The following SDCBP variants were observed in gnomAD, a reference collection of about 807,000 sequenced individuals.
The protein encoded by SDCBP is syntenin-1.
In SDCBP, 22 loss-of-function variants were observed where a neutral mutation model predicts 30.5. That is an observed-to-expected ratio of 0.72 (90% confidence interval 0.52 to 1.03). The LOEUF (loss-of-function observed/expected upper bound fraction) is 1.03, where lower values mean the gene tolerates loss of function less well. Among genes scored for constraint, SDCBP ranks in the 50% least tolerant of loss-of-function variants. The pLI, the probability that SDCBP is intolerant of heterozygous loss-of-function variation, is 0.00. For synonymous variants in SDCBP, 103 were observed against 118.7 expected (o/e 0.87, Z 0.86); for missense variants, 304 against 369.9 (o/e 0.82, Z 1.46).
rs550151303 is a variant in SDCBP at position 58,575,753 on chromosome 8, T to C, written c.241-147T>C. 4.1e-5 allele frequency: 26 copies of C among 635,030 alleles called. No homozygotes were observed. In the African/African-American group the frequency reaches 4.6e-4, roughly 11 times the overall value. 39.3% of individuals were successfully genotyped at this position (635,030 alleles called of 1,614,324 possible). A position where few individuals can be genotyped will look rare whatever the true frequency, so the allele number is the denominator to read the frequency against. On this transcript the variant is annotated intron_variant, in intron 4 of 8. Coordinates refer to ENST00000260130, the MANE Select transcript of SDCBP (RefSeq NM_005625.4). Reference sequence around the variant, plus strand: ...GAATTAGTAGTAGAGCCAGTGCCATTTTCATAGACATCAAACTTTATCGGA... The same window carrying C: ...GAATTAGTAGTAGAGCCAGTGCCATCTTCATAGACATCAAACTTTATCGGA...
chr8:58,562,529 A>G (rs1804494155), intron 1 of SDCBP, among the ~76,000 whole-genome samples: 1 of 145,962 alleles, frequency 6.9e-6, no homozygotes, highest in Admixed American at 6.7e-5. Flanking sequence ...GAGATTGCAG[A>G]AATAAGTGCA....
rs370304438 is a variant in SDCBP at position 58,565,474 on chromosome 8, T to C, written c.51+390T>C. Among the ~76,000 whole-genome samples, 115 of 152,246 alleles carry C rather than the reference T, an allele frequency of 7.6e-4. 9 individuals carry two copies. In the South Asian group the frequency reaches 0.022, roughly 29 times the overall value. The stretch of plus-strand genomic sequence containing the variant: ...ACTCTTTAATTCTATGTCTCTTAAC[T>C]GAAGTTAAAATTACAGAAATAGTGG... On this transcript the variant is annotated intron_variant, in intron 2 of 8. Coordinates refer to ENST00000260130, the MANE Select transcript of SDCBP (RefSeq NM_005625.4).
chr8:58,557,492 G>GCA (rs1422173935), intron 1 of SDCBP, among the ~76,000 whole-genome samples: 1 of 133,182 alleles, frequency 7.5e-6, no homozygotes, highest in Non-Finnish European at 1.5e-5. Flanking sequence ...TAATACATAT[G>GCA]CACACACACA....
At chr8:58,569,716 C>T (rs1804914061) in intron 2 of SDCBP, among the ~76,000 whole-genome samples, 1 of 151,998 alleles carries the variant, frequency 6.6e-6, no homozygotes, top group African/African-American at 2.4e-5. Flanking sequence ...TAACAAGCCA[C>T]TAGCTCCTTT....
chr8:58,579,898 T>C, intron 7 of SDCBP, 104 bp downstream of exon 7: 1 of 1,040,686 alleles, frequency 9.6e-7, no homozygotes, highest in Non-Finnish European at 1.4e-6. Flanking sequence ...AGGTGGGAGA[T>C]GGGGAACGTG....
intron 6 of SDCBP, chr8:58,578,415 G>A (rs1372512331): frequency 4.9e-6 from 2 of 404,948 alleles, no homozygotes; most frequent in African/African-American, 2.1e-5. Context: ...AGAGTTTATA[G>A]GACAAATCTC....
intron 8 of SDCBP, among the ~76,000 whole-genome samples, chr8:58,581,441 A>G (rs1805676198): frequency 6.6e-6 from 1 of 152,144 alleles, no homozygotes; most frequent in Admixed American, 6.5e-5. Context: ...TGTTTAATGC[A>G]CAGGAATTCA....
chr8:58,579,870 CT>C, intron 7 of SDCBP, 76 bp downstream of exon 7: 2 of 1,380,420 alleles, frequency 1.4e-6, no homozygotes, highest in Non-Finnish European at 1.9e-6. Flanking sequence ...TTAGGTGGCG[CT>C]GTTTTCATAT....
At chr8:58,557,038 TA>T (rs1285735885) in intron 1 of SDCBP, among the ~76,000 whole-genome samples, 2 of 132,820 alleles carry the variant, frequency 1.5e-5, no homozygotes, top group African/African-American at 5.8e-5. Flanking sequence ...TATAAGTATA[TA>T]AGATATACTT....
chr8:58,573,060 G>A (rs776405128), intron 4 of SDCBP, among the ~76,000 whole-genome samples: 6 of 151,878 alleles, frequency 4.0e-5, no homozygotes, highest in Non-Finnish European at 7.4e-5. Context: ...CACCTGCCTC[G>A]ACCTCCCAGA....
At chr8:58,574,441 A>C (rs2129608139) in intron 4 of SDCBP, among the ~76,000 whole-genome samples, 1 of 152,344 alleles carries the variant, frequency 6.6e-6, no homozygotes, top group Middle Eastern at 3.4e-3. Context: ...GGCTGTAGTT[A>C]AAATTTAGAA....
In SDCBP at chr8:58,576,917, C is replaced by T. The variant is rs115969418; in HGVS notation, c.402+856C>T. ...GGCAGGAGGCCCCCGCCCTGCCTGC[C>T]CACCCAGGGGGCTGAGGCCATCGAT... On this transcript the variant is annotated intron_variant, in intron 5 of 8. Transcript: ENST00000260130. Among the ~76,000 whole-genome samples, 623 of 152,308 alleles carry T rather than the reference C, an allele frequency of 4.1e-3. 4 individuals are homozygous for T. The highest frequency in any genetic ancestry group is 0.014 in the African/African-American group (593 of 41,552).
chr8:58,574,614 T>C (rs1315711956), intron 4 of SDCBP, among the ~76,000 whole-genome samples: 3 of 152,200 alleles, frequency 2.0e-5, no homozygotes, highest in Non-Finnish European at 4.4e-5. Flanking sequence ...GAGATTTCTG[T>C]TATCTCTTCA....
intron 5 of SDCBP, 140 bp from the exon 6 acceptor site, chr8:58,577,893 G>C: frequency 1.5e-6 from 1 of 650,670 alleles, no homozygotes; most frequent in South Asian, 2.1e-5. Context: ...TACTCATATA[G>C]TTTTTCCTTT....
intron 1 of SDCBP, among the ~76,000 whole-genome samples, chr8:58,564,415 A>G (rs190317370): frequency 2.4e-4 from 36 of 152,364 alleles, no homozygotes; most frequent in Admixed American, 2.1e-3. Context: ...ACATACTTCT[A>G]CTTAATACAG....
chr8:58,563,572 TA>T (rs143167665), intron 1 of SDCBP, among the ~76,000 whole-genome samples: 4 of 149,832 alleles, frequency 2.7e-5, no homozygotes, highest in Admixed American at 6.7e-5. Context: ...GAATTAAATT[TA>T]AAAAAAAAAC....
chr8:58,582,813 C>G lies in SDCBP; in HGVS notation c.*1073C>G, dbSNP rs1313047057. The G allele has an allele frequency of 1.3e-5, 2 of 152,480 alleles. No individual in the cohort carries two copies. The highest frequency in any genetic ancestry group is 4.8e-5 in the African/African-American group (2 of 41,410). The allele number at this position is 152,480 out of a possible 1,614,324, so 9.4% of individuals were successfully genotyped here. Reference sequence around the variant, plus strand: ...TTTTTTTCTTCTTTTTGGTTTATGTCTATTCTAATTAAATATGTATAAATA... The same window carrying G: ...TTTTTTTCTTCTTTTTGGTTTATGTGTATTCTAATTAAATATGTATAAATA... On this transcript the variant is annotated 3_prime_UTR_variant, in exon 9 of 9. Transcript: ENST00000260130.
At chr8:58,567,047 C>T (rs997199560) in intron 2 of SDCBP, among the ~76,000 whole-genome samples, 13 of 152,128 alleles carry the variant, frequency 8.5e-5, no homozygotes, top group South Asian at 2.1e-4. Context: ...GCAGCAGTGA[C>T]GCTACAAGCA....
intron 4 of SDCBP, among the ~76,000 whole-genome samples, chr8:58,573,140 A>G (rs936053980): frequency 1.3e-5 from 2 of 152,012 alleles, no homozygotes; most frequent in African/African-American, 4.8e-5. Flanking sequence ...TCTTTTTGAA[A>G]TTCAAAGCTC....
Sources: allele counts gnomAD v4.1 joint callset (sites outside exome capture counted in the v4.1 genomes callset), GRCh38; gene constraint gnomAD v4.1.1; transcripts MANE v1.5; gene names NCBI Gene and HGNC (gene_info 2026-07-23, HGNC 2026-07-21).